Variants in ITGAM observed in about 807,000 individuals in gnomAD.
ITGAM encodes integrin subunit alpha M.
ITGAM carries 79 observed loss-of-function variants against 137.5 expected under a neutral mutation model. That is an observed-to-expected ratio of 0.57 (90% CI 0.48 to 0.69). The LOEUF is 0.69. Ranked by LOEUF, ITGAM falls within the 30% of genes least tolerant of loss-of-function variation. The pLI is 0.00. For missense variants in ITGAM, 1,343 were observed against 1,483.5 expected (o/e 0.91, Z 1.56); for synonymous variants, 583 against 592.3 (o/e 0.98, Z 0.23).
At chr16:31,283,805 T>C (rs1646765097) in intron 12 of ITGAM, among the ~76,000 whole-genome samples, 1 of 152,260 alleles carries the variant, frequency 6.6e-6, no homozygotes, top group African/African-American at 2.4e-5. Flanking sequence ...AGAGGTGCTC[T>C]GATTTTTAAA....
chr16:31,331,828 C>T lies in ITGAM; in HGVS notation c.*121C>T. On this transcript the variant is annotated 3_prime_UTR_variant, in exon 30 of 30. Transcript: ENST00000544665. ...GTATCCCCGACAGGACGGGCTTGGG[C>T]TTCCATTTGTGTGTGTGCAAGTGTG... 1.3e-6 allele frequency: 1 copy of T among 754,004 alleles called. No individual in the cohort carries two copies. Among genetic ancestry groups the T allele is most frequent in the Non-Finnish European group, 2.2e-6 (1 of 461,862 alleles). The allele number at this position is 754,004 out of a possible 1,614,324, so 46.7% of individuals were successfully genotyped here.
At chr16:31,325,123 T>C (rs41524047) in intron 19 of ITGAM, 92 bp downstream of exon 19, 132 of 1,466,118 alleles carry the variant, frequency 9.0e-5, no homozygotes, top group Non-Finnish European at 1.2e-4. Context: ...AGCCGGGTGT[T>C]CCTGGGCTAT....
At chr16:31,292,732 C>G (rs937014046) in intron 12 of ITGAM, among the ~76,000 whole-genome samples, 19 of 152,086 alleles carry the variant, frequency 1.2e-4, no homozygotes, top group Admixed American at 1.0e-3. Context: ...TATTCATGTG[C>G]ATGTGTCTTT....
At chr16:31,260,890 A>AT (rs1302667592) in intron 1 of ITGAM, among the ~76,000 whole-genome samples, 2 of 152,172 alleles carry the variant, frequency 1.3e-5, no homozygotes, top group Non-Finnish European at 2.9e-5. Context: ...AAAGAATTCT[A>AT]TTTGTCTCAT....
intron 1 of ITGAM, among the ~76,000 whole-genome samples, chr16:31,261,132 A>G (rs1030619353): frequency 2.0e-5 from 3 of 149,236 alleles, no homozygotes; most frequent in Non-Finnish European, 4.5e-5. Context: ...AGACATCTGG[A>G]TGCTGGGTTA....
At chr16:31,294,533 T>A (rs2080114776) in intron 12 of ITGAM, among the ~76,000 whole-genome samples, 1 of 152,198 alleles carries the variant, frequency 6.6e-6, no homozygotes, top group Non-Finnish European at 1.5e-5. Context: ...ATGAATCATA[T>A]TTATTGATTT....
intron 14 of ITGAM, 39 bp downstream of exon 14, chr16:31,297,993 C>T (rs748359527): frequency 1.3e-6 from 2 of 1,502,978 alleles, no homozygotes; most frequent in Non-Finnish European, 1.9e-6. Flanking sequence ...ACAGTAGCCT[C>T]TTTGTTGATC....
At chr16:31,311,236 T>G (rs1400737933) in intron 14 of ITGAM, among the ~76,000 whole-genome samples, 1 of 152,226 alleles carries the variant, frequency 6.6e-6, no homozygotes, top group Non-Finnish European at 1.5e-5. Flanking sequence ...AAGGACTTCA[T>G]GTCTAAAACA....
chr16:31,321,139 A>G (rs1419611287), intron 14 of ITGAM, 102 bp from the exon 15 acceptor site: 2 of 1,310,576 alleles, frequency 1.5e-6, no homozygotes, highest in Non-Finnish European at 2.1e-6. Context: ...AGACTTGAGT[A>G]GAGCTTAGAG....
At position 31,275,647 on chromosome 16, in the gene ITGAM, G is replaced by A; in HGVS notation, c.957G>A (p.Glu319=). The part of the protein sequence containing the change: ...RDHVFQVNNF[E]ALKTIQNQLR... ...ACGTGTTCCAGGTGAATAACTTTGA[G>A]GCTCTGAAGACCATTCAGAACCAGC... Residue 319 remains glutamate, a synonymous_variant, in exon 9 of 30, where the codon GAG becomes GAA. Coordinates refer to ENST00000544665, the MANE Select transcript of ITGAM (RefSeq NM_000632.4). 6.2e-7 allele frequency: 1 copy of A among 1,613,882 alleles called. No homozygotes were observed. The highest frequency in any genetic ancestry group is 8.5e-7 in the Non-Finnish European group (1 of 1,179,864).
chr16:31,289,842 G>A (rs2080068462), intron 12 of ITGAM, among the ~76,000 whole-genome samples: 1 of 152,136 alleles, frequency 6.6e-6, no homozygotes, highest in African/African-American at 2.4e-5. Context: ...AGCACTTTGG[G>A]AGGCCGAGGC....
At chr16:31,330,824 TAGAG>T (rs906055078) in intron 28 of ITGAM, among the ~76,000 whole-genome samples, 25 of 142,280 alleles carry the variant, frequency 1.8e-4, no homozygotes, top group Non-Finnish European at 2.6e-4. Flanking sequence ...GAGAGAGAGA[TAGAG>T]AGTCAGAGAG....
rs1467437301 is a variant in ITGAM, at chr16:31,325,486, C to T, written c.2506-14C>T. 6.2e-7 allele frequency: 1 copy of T among 1,613,828 alleles called. No individual in the cohort carries two copies. The highest frequency in any genetic ancestry group is 1.1e-5 in the South Asian group (1 of 91,064). On this transcript the variant is annotated splice_polypyrimidine_tract_variant and intron_variant, in intron 20 of 29. Coordinates refer to ENST00000544665, the MANE Select transcript of ITGAM (RefSeq NM_000632.4). Reference sequence around the variant, plus strand: ...GAGGTGGATATCACCGCCTTTGCCTCCCCTGCCTTCCAGAACCAGCGCTCA... The same window carrying T: ...GAGGTGGATATCACCGCCTTTGCCTTCCCTGCCTTCCAGAACCAGCGCTCA...
rs4594268 is a variant in ITGAM at position 31,331,922 on chromosome 16, T to C, written c.*215T>C. 381,893 of 557,682 alleles carry C rather than the reference T, an allele frequency of 0.68. 134,478 individuals carry two copies. Among genetic ancestry groups the C allele is most frequent in the African/African-American group, 0.9 (46,209 of 51,414 alleles). 34.5% of individuals were successfully genotyped at this position (557,682 alleles called of 1,614,324 possible). ...GTGTGCGTGTGCGTGCATGTGCACTTGCACGCCCATGTGTGAGTGTGTGCA... is the reference window on the plus strand; with the variant it reads ...GTGTGCGTGTGCGTGCATGTGCACTCGCACGCCCATGTGTGAGTGTGTGCA... On this transcript the variant is annotated 3_prime_UTR_variant, in exon 30 of 30. Coordinates refer to ENST00000544665, the MANE Select transcript of ITGAM (RefSeq NM_000632.4).
intron 12 of ITGAM, among the ~76,000 whole-genome samples, chr16:31,287,638 GT>G (rs1185921244): frequency 1.3e-5 from 2 of 151,984 alleles, no homozygotes; most frequent in Non-Finnish European, 2.9e-5. Context: ...AGTTCTGTGT[GT>G]TTTTAAAATT....
At chr16:31,319,766 TA>T (rs1351620232) in intron 14 of ITGAM, among the ~76,000 whole-genome samples, 1 of 152,184 alleles carries the variant, frequency 6.6e-6, no homozygotes, top group Non-Finnish European at 1.5e-5. Flanking sequence ...CTTTGTGTTT[TA>T]TTGTTGTTAA....
Position 31,324,309 on chromosome 16 carries a change from G to T in ITGAM, c.2003-90G>T, listed in dbSNP as rs2080481598. On this transcript the variant is annotated intron_variant, in intron 16 of 29. Transcript: ENST00000544665. The surrounding 1 kb of genome is among the most constrained non-coding windows in gnomAD (Gnocchi z 4.5). ...CAGATAACATACCCCAAGTCACACA[G>T]CTGAGAAGCAGAGGAGCTGGGCCTT... 1.8e-6 allele frequency: 2 copies of T among 1,090,484 alleles called. No homozygotes were observed. Among genetic ancestry groups the T allele is most frequent in the Admixed American group, 4.2e-5 (2 of 47,634 alleles). The allele number at this position is 1,090,484 out of a possible 1,614,324, so 67.6% of individuals were successfully genotyped here.
chr16:31,306,885 A>T (rs2080270537), intron 14 of ITGAM, among the ~76,000 whole-genome samples: 1 of 152,204 alleles, frequency 6.6e-6, no homozygotes, highest in African/African-American at 2.4e-5. Flanking sequence ...AGTTAGTATT[A>T]GTGTCCAATA....
In ITGAM at chr16:31,271,834, G is replaced by A. The variant is rs761105898; in HGVS notation, c.559-13G>A. ...CACCTTCTCCAGCATCACACCAGCC[G>A]CCCCCTCCGCAGTTCTCTTTGATGC... On this transcript the variant is annotated splice_polypyrimidine_tract_variant and intron_variant, in intron 6 of 29. Transcript: ENST00000544665. The A allele has an allele frequency of 1.1e-5, 17 of 1,613,736 alleles. No individual in the cohort carries two copies. Among genetic ancestry groups the A allele is most frequent in the South Asian group, 9.9e-5 (9 of 91,076 alleles).
Sources: gnomAD v4.1 joint callset for allele counts (sites outside exome capture counted in the v4.1 genomes callset) on GRCh38, gnomAD v4.1.1 for gene constraint, Gnocchi (gnomAD v3.1) non-coding constraint, MANE v1.5 for transcripts, NCBI Gene and HGNC (gene_info 2026-07-23, HGNC 2026-07-21) for gene names.